The following WDFY3 variants were observed in gnomAD, a reference collection of about 807,000 sequenced individuals.
The protein encoded by WDFY3 is WD repeat and FYVE domain containing 3, also known as WD repeat and FYVE domain-containing protein 3.
A neutral mutation model predicts 409.6 loss-of-function variants in WDFY3; 66 were observed. The observed-to-expected ratio is 0.16, with a 90% CI of 0.13 to 0.20. The LOEUF (loss-of-function observed/expected upper bound fraction) is 0.20. Ranked by LOEUF, WDFY3 falls within the 10% of genes least tolerant of loss-of-function variation. The probability of loss-of-function intolerance (pLI) is 1.00; values close to 1 mark genes in which losing one functional copy is unlikely to be tolerated. For missense variants in WDFY3, 3,031 were observed against 4,298.1 expected (o/e 0.71, Z 8.24); for synonymous variants, 1,521 against 1,537.1 (o/e 0.99, Z 0.25).
At chr4:84,721,315 G>A in intron 47 of WDFY3, 94 bp downstream of exon 47, 1 of 1,494,946 alleles carries the variant, frequency 6.7e-7, no homozygotes, top group Non-Finnish European at 9.0e-7. Context: ...CGAGGCTAAT[G>A]CATTTACTTT....
At chr4:84,710,595 T>C (rs891648472) in intron 51 of WDFY3, among the ~76,000 whole-genome samples, 11 of 152,200 alleles carry the variant, frequency 7.2e-5, no homozygotes, top group African/African-American at 1.2e-4. Flanking sequence ...ATCAGGCAAA[T>C]TGAATGTACA....
intron 7 of WDFY3, among the ~76,000 whole-genome samples, chr4:84,834,405 GGGA>G (rs975161032): frequency 2.0e-5 from 3 of 152,040 alleles, no homozygotes; most frequent in African/African-American, 4.8e-5. Context: ...CCAGCACTTT[GGGA>G]GGCTGAGGCG....
intron 2 of WDFY3, among the ~76,000 whole-genome samples, chr4:84,916,065 T>C (rs1768443130): frequency 6.6e-6 from 1 of 152,218 alleles, no homozygotes; most frequent in Non-Finnish European, 1.5e-5. Context: ...AAAAATATCA[T>C]GTTTTATCAC....
intron 13 of WDFY3, among the ~76,000 whole-genome samples, chr4:84,812,353 G>GCACACACA (rs139367271): frequency 6.6e-6 from 1 of 150,990 alleles, no homozygotes; most frequent in African/African-American, 2.4e-5. Context: ...GCGCATGCAC[G>GCACACACA]CACACACACA....
chr4:84,720,597 A>T (rs1376421539), intron 47 of WDFY3, among the ~76,000 whole-genome samples: 1 of 152,100 alleles, frequency 6.6e-6, no homozygotes, highest in Non-Finnish European at 1.5e-5. Flanking sequence ...ATCAGTTCAC[A>T]CAAGAGCTCC....
At chr4:84,843,745 A>G (rs1422262773) in intron 5 of WDFY3, among the ~76,000 whole-genome samples, 2 of 152,174 alleles carry the variant, frequency 1.3e-5, no homozygotes, top group Non-Finnish European at 2.9e-5. Context: ...GCTCATTTTA[A>G]AAGTATATAG....
intron 62 of WDFY3, chr4:84,687,624 C>A (rs1728550259): frequency 6.6e-6 from 1 of 152,472 alleles, no homozygotes; most frequent in East Asian, 1.9e-4. Flanking sequence ...TTTCAAACAA[C>A]ACTAAATCAA....
At chr4:84,896,002 A>G (rs1178925613) in intron 3 of WDFY3, among the ~76,000 whole-genome samples, 1 of 152,142 alleles carries the variant, frequency 6.6e-6, no homozygotes, top group Non-Finnish European at 1.5e-5. Context: ...TCACACCTGT[A>G]ATCCCAGCAC....
intron 2 of WDFY3, among the ~76,000 whole-genome samples, chr4:84,899,428 C>A (rs1403163790): frequency 6.6e-6 from 1 of 152,068 alleles, no homozygotes; most frequent in Non-Finnish European, 1.5e-5. Flanking sequence ...TATTTTAAGT[C>A]AATAAACTAA....
At chr4:84,920,903 T>C (rs995914586) in intron 2 of WDFY3, among the ~76,000 whole-genome samples, 8 of 152,150 alleles carry the variant, frequency 5.3e-5, no homozygotes, top group African/African-American at 1.9e-4. Flanking sequence ...TCGTCTGATT[T>C]ACTGCTACAA....
chr4:84,881,244 T>C (rs550897726), intron 3 of WDFY3, among the ~76,000 whole-genome samples: 45 of 152,274 alleles, frequency 3.0e-4, no homozygotes, highest in Non-Finnish European at 4.4e-5. Flanking sequence ...ACAGACTGCA[T>C]GGGAACATGA....
chr4:84,745,908 A>G (rs1421248979), intron 36 of WDFY3, among the ~76,000 whole-genome samples: 1 of 152,080 alleles, frequency 6.6e-6, no homozygotes, highest in East Asian at 1.9e-4. Flanking sequence ...TAGTTCCAGG[A>G]GGCTTTCCTT....
At chr4:84,683,802 G>A (rs1727828629) in intron 63 of WDFY3, 141 bp downstream of exon 63, 2 of 812,344 alleles carry the variant, frequency 2.5e-6, no homozygotes, top group African/African-American at 3.5e-5. Context: ...ATAACGCAGA[G>A]GCCAAGGCCT....
At chr4:84,711,152 T>G (rs1291888393) in intron 51 of WDFY3, among the ~76,000 whole-genome samples, 3 of 152,236 alleles carry the variant, frequency 2.0e-5, no homozygotes, top group Non-Finnish European at 2.9e-5. Context: ...AAAGGGCTAC[T>G]AGTTACTGAG....
chr4:84,860,457 C>A lies in WDFY3; in HGVS notation c.135G>T (p.Lys45Asn). 1 of 1,614,098 alleles carries A rather than the reference C, an allele frequency of 6.2e-7. No homozygotes were observed. The highest frequency in any genetic ancestry group is 8.5e-7 in the Non-Finnish European group (1 of 1,179,978). Residue 45 changes from lysine (K) to asparagine (N), a missense_variant, in exon 4 of 68, where the codon AAG becomes AAT. Lys to Asn is a moderately conservative substitution (Grantham distance 94). Coordinates refer to ENST00000295888, the MANE Select transcript of WDFY3 (RefSeq NM_014991.6). ...LCHPPRHMTQKEQEEKLYMML... is the reference protein window; with the variant it reads ...LCHPPRHMTQNEQEEKLYMML... ...TCATATACAGTTTCTCTTCTTGTTC[C>A]TTCTGAGTCATGTGCCGGGGAGGAT... is the stretch of plus-strand genomic sequence containing the variant.
At chr4:84,888,278 G>A (rs1444466924) in intron 3 of WDFY3, among the ~76,000 whole-genome samples, 1 of 152,134 alleles carries the variant, frequency 6.6e-6, no homozygotes, top group Non-Finnish European at 1.5e-5. Flanking sequence ...GGTGGCTCGT[G>A]CCTGTAATCC....
chr4:84,892,913 C>T (rs751911179), intron 3 of WDFY3, among the ~76,000 whole-genome samples: 8 of 152,204 alleles, frequency 5.3e-5, no homozygotes, highest in Non-Finnish European at 8.8e-5. Flanking sequence ...GAGAAGTTCA[C>T]AGCAGAACAG....
intron 33 of WDFY3, among the ~76,000 whole-genome samples, chr4:84,756,221 C>A (rs575798188): frequency 6.6e-6 from 1 of 152,090 alleles, no homozygotes; most frequent in African/African-American, 2.4e-5. Context: ...TCCTGTCATA[C>A]CCACTCGAGG....
chr4:84,867,939 G>A (rs1324510548), intron 3 of WDFY3, among the ~76,000 whole-genome samples: 1 of 152,012 alleles, frequency 6.6e-6, no homozygotes, highest in East Asian at 1.9e-4. Context: ...GGGAGGTCAA[G>A]GCGGGCAGAT....
Sources: allele counts gnomAD v4.1 joint callset (sites outside exome capture counted in the v4.1 genomes callset), GRCh38; gene constraint gnomAD v4.1.1; transcripts MANE v1.5; gene names NCBI Gene and HGNC (gene_info 2026-07-23, HGNC 2026-07-21).